The following MLLT6 variants were observed in gnomAD, a reference collection of about 807,000 sequenced individuals.
The protein encoded by MLLT6 is protein AF-17.
A neutral mutation model predicts 103.0 loss-of-function variants in MLLT6; 22 were observed. The ratio of observed to expected loss-of-function variants is 0.21; its 90% CI spans 0.15 to 0.31. The LOEUF (loss-of-function observed/expected upper bound fraction) is 0.31. MLLT6 is among the 10% of genes least tolerant of loss of function. The pLI is 1.00. For synonymous variants in MLLT6, 606 were observed against 623.5 expected (o/e 0.97, Z 0.42); for missense variants, 1,199 against 1,441.7 (o/e 0.83, Z 2.73).
At chr17:38,713,075 T>C in intron 8 of MLLT6, 1 of 765,556 alleles carries the variant, frequency 1.3e-6, no homozygotes, top group African/African-American at 1.7e-5. Context: ...CTGCAGAGAG[T>C]GGGGGACGGC....
chr17:38,718,294 G>A (rs1200347074), intron 12 of MLLT6: 2 of 221,810 alleles, frequency 9.0e-6, no homozygotes, highest in Non-Finnish European at 8.9e-6. Flanking sequence ...AGAATTGCTT[G>A]AACGTGGGAG....
chr17:38,720,591 C>CGG, intron 15 of MLLT6, 22 bp downstream of exon 15: 1 of 1,612,660 alleles, frequency 6.2e-7, no homozygotes, highest in Non-Finnish European at 8.5e-7. Flanking sequence ...CTGCCCAGCC[C>CGG]GGGAGAGAGG....
chr17:38,711,850 A>G lies in MLLT6; in HGVS notation c.556A>G (p.Thr186Ala). 1 of 1,553,232 alleles carries G rather than the reference A, an allele frequency of 6.4e-7. No individual in the cohort carries two copies. The highest frequency in any genetic ancestry group is 8.7e-7 in the Non-Finnish European group (1 of 1,149,904). Reference sequence around the variant, plus strand: ...TTCTCTCAAATCTCTCCCGCAGAAGACATCCCGGCACAGCAGCGGGGGAGG... The same window carrying G: ...TTCTCTCAAATCTCTCCCGCAGAAGGCATCCCGGCACAGCAGCGGGGGAGG... Reference protein sequence around the residue: ...YCKYHFSKMKTSRHSSGGGGG... With the variant: ...YCKYHFSKMKASRHSSGGGGG... Residue 186 changes from threonine to alanine, a missense_variant, in exon 7 of 20, where the codon ACA becomes GCA. Thr to Ala is a moderately conservative substitution (Grantham distance 58). Around this residue, in one of 7 missense-constraint regions of MLLT6, gnomAD observed 59 missense variants for 135.1 expected, o/e 0.44. Transcript: ENST00000621332.
chr17:38,717,900 C>A lies in MLLT6; in HGVS notation c.1889C>A (p.Thr630Asn), dbSNP rs770918605. The A allele has an allele frequency of 1.2e-6, 2 of 1,613,908 alleles. No individual in the cohort carries two copies. The highest frequency in any genetic ancestry group is 2.7e-5 in the African/African-American group (2 of 74,918). ...FSLPSTHIFGTPMGAVNPLLS... is the reference protein window; with the variant it reads ...FSLPSTHIFGNPMGAVNPLLS... Reference sequence around the variant, plus strand: ...CTCCCTTCTACCCACATCTTTGGAACCCCCATGGGTGCCGTTAATCCCCTC... The same window carrying A: ...CTCCCTTCTACCCACATCTTTGGAAACCCCATGGGTGCCGTTAATCCCCTC... Residue 630 changes from threonine (T) to asparagine (N), a missense_variant, in exon 12 of 20, where the codon ACC becomes AAC. Thr to Asn is a moderately conservative substitution (Grantham distance 65). Transcript: ENST00000621332.
chr17:38,717,050 A>ATGCACTTAGAAGGAAATG lies in MLLT6; in HGVS notation c.1651+70_1651+87dup, dbSNP rs1364580939. On this transcript the variant is annotated intron_variant, in intron 10 of 19. Transcript: ENST00000621332. ...GTCTAGTGAGGAACAGAGCTTACAC[A>ATGCACTTAGAAGGAAATG]TGCACTTAGAAGGAAATGGGATGGA... 617 of 1,583,238 alleles carry ATGCACTTAGAAGGAAATG rather than the reference A, an allele frequency of 3.9e-4. 6 individuals carry two copies. In the South Asian group the frequency reaches 5.5e-3, roughly 14 times the overall value.
Position 38,716,476 on chromosome 17 carries a change from T to C in MLLT6, c.1146T>C (p.Ser382=). 1 of 1,614,002 alleles carries C rather than the reference T, an allele frequency of 6.2e-7. No homozygotes were observed. The highest frequency in any genetic ancestry group is 1.1e-5 in the South Asian group (1 of 91,064). ...PTAPAPSAPP[S]PSAPEPPKAD... ...CCCCCGCCCCTTCAGCCCCTCCTTC[T>C]CCCTCAGCTCCCGAGCCCCCCAAGG... The change falls in exon 10 of 20, where the codon TCT becomes TCC. Residue 382 remains serine (S), a synonymous_variant. Transcript: ENST00000621332. This position sits in a 1 kb window ranked among gnomAD's most constrained non-coding sequence, Gnocchi z 5.6.
At position 38,719,532 on chromosome 17, in the gene MLLT6, A is replaced by G; in HGVS notation, c.1958A>G (p.Asp653Gly). The change falls in exon 13 of 20, where the codon GAC (aspartate) becomes GGC (glycine). Residue 653 changes from aspartate to glycine, a missense_variant. By Grantham distance (94) the Asp-to-Gly change is moderately conservative. Transcript: ENST00000621332. Reference protein sequence around the residue: ...ESSHTEPDLEDCSFRCRGTSP... With the variant: ...ESSHTEPDLEGCSFRCRGTSP... ...TTCTTCCAAGAGCCAGACCTGGAGG[A>G]CTGCAGCTTCCGGTGTCGGGGGACC... The G allele has an allele frequency of 6.2e-7, 1 of 1,611,326 alleles. No homozygotes were observed. Among genetic ancestry groups the G allele is most frequent in the Non-Finnish European group, 8.5e-7 (1 of 1,179,100 alleles).
At chr17:38,715,548 C>T (rs896128355) in intron 8 of MLLT6, 64 bp from the exon 9 acceptor site, 20 of 1,519,704 alleles carry the variant, frequency 1.3e-5, no homozygotes, top group Non-Finnish European at 1.7e-5. Flanking sequence ...TGCTTCACTC[C>T]CACATCAGGA....
At chr17:38,722,649 C>CT in intron 17 of MLLT6, 29 bp from the exon 18 acceptor site, 3 of 321,806 alleles carry the variant, frequency 9.3e-6, no homozygotes, top group South Asian at 3.0e-5. Flanking sequence ...TGTGTGTTGT[C>CT]CCCCCCCCAC....
chr17:38,712,187 G>A (rs1286829769), intron 7 of MLLT6, 173 bp downstream of exon 7: 15 of 908,398 alleles, frequency 1.7e-5, no homozygotes, highest in East Asian at 1.2e-4. Context: ...GGGGTGAGGC[G>A]GGAGCTTGGC....
Position 38,719,777 on chromosome 17 carries a change from C to T in MLLT6, c.2037C>T (p.Leu679=). The change falls in exon 14 of 20, where the codon CTC becomes CTT. Residue 679 remains leucine, a synonymous_variant. Coordinates refer to ENST00000621332, the MANE Select transcript of MLLT6 (RefSeq NM_005937.4). ...SMSPISSLPA[L]FDQTASAPCG... is the part of the protein sequence containing the mutation. Reference sequence around the variant, plus strand: ...CCCCCATCAGCAGCCTCCCCGCACTCTTCGACCAGACAGCCTCTGCACCCT... The same window carrying T: ...CCCCCATCAGCAGCCTCCCCGCACTTTTCGACCAGACAGCCTCTGCACCCT... The T allele has an allele frequency of 1.9e-6, 3 of 1,613,348 alleles. No homozygotes were observed. The highest frequency in any genetic ancestry group is 1.1e-5 in the South Asian group (1 of 91,044).
At chr17:38,720,206 C>G in intron 14 of MLLT6, 166 bp from the exon 15 acceptor site, 1 of 739,388 alleles carries the variant, frequency 1.4e-6, no homozygotes, top group South Asian at 1.9e-5. Context: ...ACACCTGTGG[C>G]TCCCCAAGTC....
chr17:38,725,622 C>T lies in MLLT6; in HGVS notation c.*24C>T, dbSNP rs546625715. 162 of 1,567,768 alleles carry T rather than the reference C, an allele frequency of 1.0e-4. 1 individual carries two copies. The East Asian group carries it at 3.7e-3, about 36-fold the overall frequency. ...AAATCCACCCTTACCCCTCCTGACCCCCCCAAGTGGAGGGAACAGATCCTG... is the reference window on the plus strand; with the variant it reads ...AAATCCACCCTTACCCCTCCTGACCTCCCCAAGTGGAGGGAACAGATCCTG... On this transcript the variant is annotated 3_prime_UTR_variant, in exon 20 of 20. Coordinates refer to ENST00000621332, the MANE Select transcript of MLLT6 (RefSeq NM_005937.4).
chr17:38,724,490 G>A lies in MLLT6; in HGVS notation c.2884-130G>A. The A allele has an allele frequency of 1.5e-6, 1 of 660,068 alleles. No individual in the cohort carries two copies. The highest frequency in any genetic ancestry group is 2.0e-5 in the South Asian group (1 of 50,406). The allele number at this position is 660,068 out of a possible 1,614,324, so 40.9% of individuals were successfully genotyped here. A position where few individuals can be genotyped will look rare whatever the true frequency, so the allele number is the denominator to read the frequency against. On this transcript the variant is annotated intron_variant, in intron 18 of 19. Transcript: ENST00000621332. The surrounding 1 kb of genome is among the most constrained non-coding windows in gnomAD (Gnocchi z 5.4). ...AGTGGGAAATGCGAGACAGTACCTT[G>A]ACTGTCTCACAGGCCTCTTGCCTCC...
At chr17:38,720,328 T>TCCCCCCCCCC in intron 14 of MLLT6, 44 bp from the exon 15 acceptor site, 1 of 89,488 alleles carries the variant, frequency 1.1e-5, no homozygotes, top group South Asian at 9.5e-5. Flanking sequence ...TGGCCCCGCC[T>TCCCCCCCCCC]CCGCCCCCTC....
In MLLT6 at chr17:38,707,027, G is replaced by C. The variant is rs774958620; in HGVS notation, c.187G>C (p.Val63Leu). Residue 63 changes from valine to leucine, a missense_variant and splice_region_variant, in exon 2 of 20, where the codon GTG (valine) becomes CTG (leucine). Val to Leu is a conservative substitution (Grantham distance 32). Around this residue, in one of 7 missense-constraint regions of MLLT6, gnomAD observed 26 missense variants for 44.5 expected, o/e 0.58. Transcript: ENST00000621332. ...KCESQERAAR[V>L]RCELCPHKDG... is the part of the protein sequence containing the mutation. The stretch of plus-strand genomic sequence containing the variant: ...TGAATCTCAGGAGCGAGCAGCCAGG[G>C]TGGTGAGTTCCAGACTGCCCCTCTC... 1 of 1,611,246 alleles carries C rather than the reference G, an allele frequency of 6.2e-7. No homozygotes were observed.
rs117892592 is a variant in MLLT6, at chr17:38,712,298, G to A, written c.720+284G>A. On this transcript the variant is annotated intron_variant, in intron 7 of 19. Coordinates refer to ENST00000621332, the MANE Select transcript of MLLT6 (RefSeq NM_005937.4). ...GGCTCTGCACGTTGCACACGTCTCC[G>A]CAGTCCAGCCATGTGCCGCCTAGTA... Among the ~76,000 whole-genome samples the A allele has an allele frequency of 1.5e-3, 223 of 152,238 alleles. 1 individual carries two copies. Among genetic ancestry groups the A allele is most frequent in the Non-Finnish European group, 2.4e-3 (160 of 68,010 alleles).
Position 38,715,879 on chromosome 17 carries a change from C to G in MLLT6, c.1036+51C>G. The stretch of plus-strand genomic sequence containing the variant: ...CTGGGAGCAGGGAAAGCCTTTTGTC[C>G]TGAGCTTTTCTGGCAAGGGACTTTG... On this transcript the variant is annotated intron_variant, in intron 9 of 19. Transcript: ENST00000621332. The G allele has an allele frequency of 6.1e-6, 9 of 1,470,664 alleles. No homozygotes were observed. In the South Asian group the frequency reaches 9.8e-5, roughly 16 times the overall value. 91.1% of individuals were successfully genotyped at this position (1,470,664 alleles called of 1,614,324 possible).
In MLLT6 at chr17:38,725,151, C is replaced by G. The variant is rs573726741; in HGVS notation, c.3240+175C>G. 8 of 574,902 alleles carry G rather than the reference C, an allele frequency of 1.4e-5. No homozygotes were observed. The South Asian group carries it at 1.6e-4, about 12-fold the overall frequency. The allele number at this position is 574,902 out of a possible 1,614,324, so 35.6% of individuals were successfully genotyped here. A position where few individuals can be genotyped will look rare whatever the true frequency, so the allele number is the denominator to read the frequency against. On this transcript the variant is annotated intron_variant, in intron 19 of 19. Coordinates refer to ENST00000621332, the MANE Select transcript of MLLT6 (RefSeq NM_005937.4). ...GCTTGCACATGGGTGCCCTCCTGCA[C>G]GGCCAAGAAAGATCCGATCTGAGCA...
Sources: allele counts gnomAD v4.1 joint callset (sites outside exome capture counted in the v4.1 genomes callset), GRCh38; gene constraint gnomAD v4.1.1; regional missense constraint gnomAD v4.1.1; non-coding constraint Gnocchi (gnomAD v3.1); transcripts MANE v1.5; gene names NCBI Gene and HGNC (gene_info 2026-07-23, HGNC 2026-07-21).